Variants in NELL1 observed in about 807,000 individuals in gnomAD.
The protein encoded by NELL1 is protein kinase C-binding protein NELL1.
Under a neutral mutation model 107.4 loss-of-function variants are expected in NELL1, and 76 were observed. The ratio of observed to expected loss-of-function variants is 0.71; its 90% CI spans 0.59 to 0.86. The LOEUF is 0.86. Ranked by LOEUF, NELL1 falls within the 40% of genes least tolerant of loss-of-function variation. The pLI is 0.00. For missense variants in NELL1, 1,024 were observed against 1,005.5 expected (o/e 1.02, Z -0.25); for synonymous variants, 353 against 341.2 (o/e 1.03, Z -0.38).
At chr11:21,402,730 A>T (rs1360480815) in intron 15 of NELL1, among the ~76,000 whole-genome samples, 2 of 151,560 alleles carry the variant, frequency 1.3e-5, no homozygotes, top group African/African-American at 4.9e-5. Context: ...TCGAGTAAAT[A>T]AGCTTTATCT....
chr11:21,552,538 C>T (rs1455347414), intron 16 of NELL1, among the ~76,000 whole-genome samples: 1 of 151,692 alleles, frequency 6.6e-6, no homozygotes, highest in African/African-American at 2.4e-5. Flanking sequence ...GAATTTGATC[C>T]TCCAAAGTCT....
chr11:20,709,884 T>C (rs912704752), intron 2 of NELL1, among the ~76,000 whole-genome samples: 1 of 152,190 alleles, frequency 6.6e-6, no homozygotes, highest in African/African-American at 2.4e-5. Flanking sequence ...GCTACTGATT[T>C]GTGTACATTG....
At chr11:20,932,888 G>A (rs1316505926) in intron 9 of NELL1, among the ~76,000 whole-genome samples, 6 of 152,208 alleles carry the variant, frequency 3.9e-5, no homozygotes. Context: ...AGAAGGGAGT[G>A]ATTAACTCCA....
chr11:21,051,121 A>G (rs1344480563), intron 12 of NELL1, among the ~76,000 whole-genome samples: 1 of 152,184 alleles, frequency 6.6e-6, no homozygotes, highest in Non-Finnish European at 1.5e-5. Context: ...ATTACAAAAT[A>G]TGGAACCAGC....
chr11:21,252,719 C>T (rs1044058560), intron 14 of NELL1, among the ~76,000 whole-genome samples: 1 of 152,044 alleles, frequency 6.6e-6, no homozygotes, highest in Non-Finnish European at 1.5e-5. Context: ...GTTTTGCTTT[C>T]ATTTATATGT....
At chr11:21,292,779 C>A (rs1390063367) in intron 14 of NELL1, among the ~76,000 whole-genome samples, 3 of 152,072 alleles carry the variant, frequency 2.0e-5, no homozygotes, top group Non-Finnish European at 4.4e-5. Flanking sequence ...GCTCATAATG[C>A]TACACATCTA....
intron 14 of NELL1, among the ~76,000 whole-genome samples, chr11:21,290,388 AAAATAAATAGAT>A (rs1331003555): frequency 8.2e-4 from 88 of 107,370 alleles, no homozygotes; most frequent in African/African-American, 3.1e-3. Context: ...ATAAATAAAT[AAAATAAATAGAT>A]AAATAAATAA....
At chr11:21,140,473 C>A (rs767116206) in intron 13 of NELL1, among the ~76,000 whole-genome samples, 38 of 152,200 alleles carry the variant, frequency 2.5e-4, no homozygotes, top group Non-Finnish European at 4.0e-4. Flanking sequence ...TTTAAAATTG[C>A]TCTTATTATT....
chr11:21,507,108 T>G (rs1459547578), intron 15 of NELL1, among the ~76,000 whole-genome samples: 3 of 152,148 alleles, frequency 2.0e-5, no homozygotes, highest in African/African-American at 7.2e-5. Flanking sequence ...AGATCACACT[T>G]TGGAAGAAGG....
chr11:21,253,678 A>G (rs1355272182), intron 14 of NELL1, among the ~76,000 whole-genome samples: 2 of 152,176 alleles, frequency 1.3e-5, no homozygotes, highest in African/African-American at 4.8e-5. Flanking sequence ...AGCCAGTTCC[A>G]TATTAGACAA....
intron 13 of NELL1, among the ~76,000 whole-genome samples, chr11:21,138,991 T>C (rs951318910): frequency 6.6e-6 from 1 of 152,170 alleles, no homozygotes; most frequent in Non-Finnish European, 1.5e-5. Context: ...AATGTCCTCA[T>C]TGGAGTAGTT....
intron 15 of NELL1, among the ~76,000 whole-genome samples, chr11:21,422,847 A>G (rs1945426): frequency 0.43 from 64,737 of 151,938 alleles, 16,244 homozygotes; most frequent in African/African-American, 0.69. Context: ...CAGTAATTAC[A>G]TTGAATGTAA....
At chr11:21,070,027 A>G (rs992633739) in intron 12 of NELL1, among the ~76,000 whole-genome samples, 15 of 152,182 alleles carry the variant, frequency 9.9e-5, no homozygotes, top group African/African-American at 3.6e-4. Context: ...GAACCATGTG[A>G]TAACGTATAT....
At chr11:20,843,187 G>GC (rs1848648576) in intron 3 of NELL1, among the ~76,000 whole-genome samples, 1 of 152,104 alleles carries the variant, frequency 6.6e-6, no homozygotes, top group Non-Finnish European at 1.5e-5. Flanking sequence ...GGAGAGTCCT[G>GC]CTAGGGGTAC....
intron 15 of NELL1, among the ~76,000 whole-genome samples, chr11:21,510,539 G>A (rs1269770976): frequency 2.0e-5 from 3 of 152,100 alleles, no homozygotes; most frequent in Admixed American, 6.6e-5. Context: ...ACAATGTGGG[G>A]GAACAAATGG....
At chr11:21,387,942 T>C (rs1851784502) in intron 15 of NELL1, among the ~76,000 whole-genome samples, 1 of 151,812 alleles carries the variant, frequency 6.6e-6, no homozygotes, top group African/African-American at 2.4e-5. Flanking sequence ...TTAATGAGGA[T>C]TATATTACTG....
intron 3 of NELL1, among the ~76,000 whole-genome samples, chr11:20,816,204 G>T (rs1159988598): frequency 6.6e-6 from 1 of 152,084 alleles, no homozygotes; most frequent in Non-Finnish European, 1.5e-5. Context: ...TTGGTCGTTT[G>T]TTAGGAATAG....
At chr11:20,761,480 C>G (rs972673168) in intron 2 of NELL1, among the ~76,000 whole-genome samples, 25 of 152,312 alleles carry the variant, frequency 1.6e-4, no homozygotes, top group African/African-American at 5.8e-4. Flanking sequence ...TTGCATTCTG[C>G]TTTTCTTGAG....
At chr11:20,710,767 G>T (rs1455694561) in intron 2 of NELL1, among the ~76,000 whole-genome samples, 1 of 151,666 alleles carries the variant, frequency 6.6e-6, no homozygotes, top group East Asian at 1.9e-4. Flanking sequence ...AATCTAGGAG[G>T]GTTGGATTTT....
Sources: allele counts gnomAD v4.1 joint callset (sites outside exome capture counted in the v4.1 genomes callset), GRCh38; gene constraint gnomAD v4.1.1; transcripts MANE v1.5; gene names NCBI Gene and HGNC (gene_info 2026-07-23, HGNC 2026-07-21).